Variants in SNX29 observed in about 807,000 individuals in gnomAD.
The protein encoded by SNX29 is sorting nexin-29.
In SNX29, 78 loss-of-function variants were observed where a neutral mutation model predicts 102.1. That is an observed-to-expected ratio of 0.76 (90% CI 0.64 to 0.92). SNX29 has a LOEUF of 0.92. SNX29 is among the 40% of genes least tolerant of loss of function. The pLI is 0.00. For missense variants in SNX29, 1,280 were observed against 1,061.7 expected (o/e 1.21, Z -2.86); for synonymous variants, 580 against 414.5 (o/e 1.40, Z -4.85).
chr16:12,307,330 G>A (rs771471450), intron 15 of SNX29, among the ~76,000 whole-genome samples: 9 of 152,202 alleles, frequency 5.9e-5, no homozygotes, highest in Non-Finnish European at 1.3e-4. Flanking sequence ...GATAGATGGT[G>A]AGTGCGGTTG....
At chr16:12,407,101 G>A (rs1328715274) in intron 18 of SNX29, among the ~76,000 whole-genome samples, 2 of 152,208 alleles carry the variant, frequency 1.3e-5, no homozygotes, top group Non-Finnish European at 2.9e-5. Flanking sequence ...AGATGGTGGT[G>A]TATGTGCCAA....
intron 20 of SNX29, among the ~76,000 whole-genome samples, chr16:12,564,822 T>C (rs555238457): frequency 7.3e-5 from 11 of 150,464 alleles, no homozygotes; most frequent in Non-Finnish European, 1.6e-4. Context: ...GTCTCGGTGG[T>C]ACACAACGCT....
At chr16:12,036,769 G>A (rs202007231) in intron 4 of SNX29, among the ~76,000 whole-genome samples, 5 of 152,172 alleles carry the variant, frequency 3.3e-5, no homozygotes, top group South Asian at 2.1e-4. Flanking sequence ...CACCTGGTGT[G>A]TTCTTGGTCT....
At chr16:12,125,899 G>A (rs2054195440) in intron 11 of SNX29, among the ~76,000 whole-genome samples, 1 of 152,060 alleles carries the variant, frequency 6.6e-6, no homozygotes, top group Non-Finnish European at 1.5e-5. Context: ...AGCAGCACTG[G>A]GGACCCCCTT....
intron 14 of SNX29, among the ~76,000 whole-genome samples, chr16:12,229,998 G>A (rs1238457494): frequency 1.3e-5 from 2 of 152,228 alleles, no homozygotes; most frequent in African/African-American, 4.8e-5. Flanking sequence ...TGTCACAACT[G>A]CTCAGCTCTG....
At chr16:12,302,547 A>G (rs1191351320) in intron 15 of SNX29, among the ~76,000 whole-genome samples, 2 of 151,840 alleles carry the variant, frequency 1.3e-5, no homozygotes, top group African/African-American at 4.9e-5. Flanking sequence ...ATGTTCTCAC[A>G]TCGTGGAAGG....
chr16:11,997,921 C>T (rs1374669903), intron 1 of SNX29, among the ~76,000 whole-genome samples: 1 of 152,198 alleles, frequency 6.6e-6, no homozygotes, highest in East Asian at 1.9e-4. Flanking sequence ...CACTTGACTT[C>T]CCCGAGCTTC....
rs79819026 is a variant in SNX29, at chr16:12,417,583, C to T, written c.2037+14054C>T. ...TCTGTTTCCCTCTTTCCTCCTCCTT[C>T]TCATTCCTTTTCCCTATTCCTCATC... is the stretch of plus-strand genomic sequence containing the variant. On this transcript the variant is annotated intron_variant, in intron 18 of 20. Coordinates refer to ENST00000566228, the MANE Select transcript of SNX29 (RefSeq NM_032167.5). Among the ~76,000 whole-genome samples, 495 of 152,158 alleles carry T rather than the reference C, an allele frequency of 3.3e-3. 16 individuals are homozygous for T. The East Asian group carries it at 0.082, about 25-fold the overall frequency.
intron 18 of SNX29, among the ~76,000 whole-genome samples, chr16:12,412,819 T>G (rs2084458032): frequency 6.6e-6 from 1 of 152,260 alleles, no homozygotes; most frequent in East Asian, 1.9e-4. Context: ...ATATTTACTT[T>G]TTATATGAGA....
intron 15 of SNX29, among the ~76,000 whole-genome samples, chr16:12,341,128 C>T (rs1262197713): frequency 6.6e-6 from 1 of 152,136 alleles, no homozygotes; most frequent in African/African-American, 2.4e-5. Context: ...TTATTGGAGC[C>T]CAAGGAGAGA....
chr16:12,319,961 G>A (rs1440367959), intron 15 of SNX29, among the ~76,000 whole-genome samples: 1 of 152,172 alleles, frequency 6.6e-6, no homozygotes, highest in Non-Finnish European at 1.5e-5. Context: ...GTAGGTTGTG[G>A]AAATGCGGGT....
At position 12,156,077 on chromosome 16, in the gene SNX29, C is replaced by G. The variant is rs776564162; in HGVS notation, c.1595+26319C>G. Among the ~76,000 whole-genome samples, 81 of 152,220 alleles carry G rather than the reference C, an allele frequency of 5.3e-4. 1 individual carries two copies. The highest frequency in any genetic ancestry group is 5.1e-4 in the Non-Finnish European group (35 of 68,054). On this transcript the variant is annotated intron_variant, in intron 13 of 20. Transcript: ENST00000566228. Reference sequence around the variant, plus strand: ...CCTTAACGTGCGTGGCGCACACCCCCCCACATCTCCTTGAAGCCTTGGCTC... The same window carrying G: ...CCTTAACGTGCGTGGCGCACACCCCGCCACATCTCCTTGAAGCCTTGGCTC...
chr16:12,195,985 CTTTTTTTT>C (rs762409358), intron 13 of SNX29, among the ~76,000 whole-genome samples: 16 of 117,980 alleles, frequency 1.4e-4, no homozygotes, highest in African/African-American at 3.8e-4. Context: ...GTTTCTTTTC[CTTTTTTTT>C]TTTTTTTTTT....
At chr16:12,407,439 G>A (rs949234639) in intron 18 of SNX29, among the ~76,000 whole-genome samples, 20 of 151,876 alleles carry the variant, frequency 1.3e-4, no homozygotes, top group African/African-American at 4.8e-4. Context: ...TATATTTTAG[G>A]TAAAAAGGAA....
chr16:12,501,451 G>T (rs1454054707), intron 19 of SNX29, among the ~76,000 whole-genome samples: 1 of 151,894 alleles, frequency 6.6e-6, no homozygotes, highest in East Asian at 1.9e-4. Flanking sequence ...GCCAGACGCG[G>T]TGGCTCACAC....
intron 20 of SNX29, among the ~76,000 whole-genome samples, chr16:12,556,995 A>G (rs2078400441): frequency 7.1e-6 from 1 of 140,518 alleles, no homozygotes; most frequent in Non-Finnish European, 1.5e-5. Context: ...CAACAGGTAC[A>G]CACCACATCT....
intron 20 of SNX29, among the ~76,000 whole-genome samples, chr16:12,543,997 T>TA (rs2077467799): frequency 6.6e-6 from 1 of 152,162 alleles, no homozygotes; most frequent in African/African-American, 2.4e-5. Context: ...CACCATGGGT[T>TA]AAATGCAAAA....
chr16:12,199,028 T>A (rs772908095), intron 13 of SNX29, among the ~76,000 whole-genome samples: 1 of 152,086 alleles, frequency 6.6e-6, no homozygotes, highest in Non-Finnish European at 1.5e-5. Context: ...TAATCTTACA[T>A]GGGGGTGGAT....
chr16:12,017,651 G>A (rs567342126), intron 3 of SNX29, among the ~76,000 whole-genome samples: 47 of 152,014 alleles, frequency 3.1e-4, no homozygotes, highest in Middle Eastern at 3.4e-3. Context: ...TACTGTAAAC[G>A]TTTTCATTTT....
Sources: allele counts gnomAD v4.1 joint callset (sites outside exome capture counted in the v4.1 genomes callset), GRCh38; gene constraint gnomAD v4.1.1; transcripts MANE v1.5; gene names NCBI Gene and HGNC (gene_info 2026-07-23, HGNC 2026-07-21).